Variants in UBE2J1 observed in about 807,000 individuals in gnomAD.
UBE2J1 encodes ubiquitin-conjugating enzyme E2 J1.
UBE2J1 carries 17 observed loss-of-function variants against 42.1 expected under a neutral mutation model. The ratio of observed to expected loss-of-function variants is 0.40; its 90% CI spans 0.28 to 0.61. The LOEUF is 0.61. UBE2J1 is among the 20% of genes least tolerant of loss of function. The pLI is 0.38. For synonymous variants in UBE2J1, 127 were observed against 137.2 expected (o/e 0.93, Z 0.52); for missense variants, 291 against 389.4 (o/e 0.75, Z 2.13).
rs923894681 is a variant in UBE2J1, at chr6:89,329,023, G to A, written c.*656C>T. On this transcript the variant is annotated 3_prime_UTR_variant, in exon 8 of 8. Coordinates refer to ENST00000435041, the MANE Select transcript of UBE2J1 (RefSeq NM_016021.3). Reference sequence around the variant, plus strand: ...TGTGATTATGGCAGCAGAGGGCAGGGGGTGGTGATAACAGCATATCAAAGT... The same window carrying A: ...TGTGATTATGGCAGCAGAGGGCAGGAGGTGGTGATAACAGCATATCAAAGT... The A allele has an allele frequency of 6.6e-6, 1 of 152,192 alleles. No homozygotes were observed. The highest frequency in any genetic ancestry group is 2.4e-5 in the African/African-American group (1 of 41,438). 9.4% of individuals were successfully genotyped at this position (152,192 alleles called of 1,614,324 possible). A position where few individuals can be genotyped will look rare whatever the true frequency, so the allele number is the denominator to read the frequency against.
At chr6:89,333,243 G>A (rs755886423) in intron 6 of UBE2J1, 38 bp from the exon 7 acceptor site, 1 of 1,568,972 alleles carries the variant, frequency 6.4e-7, no homozygotes. Context: ...TGTGACAACA[G>A]GAAACAACAG....
Position 89,340,009 on chromosome 6 carries a change from C to T in UBE2J1, c.238-1466G>A, listed in dbSNP as rs7773225. Among the ~76,000 whole-genome samples, 855 of 144,926 alleles carry T rather than the reference C, an allele frequency of 5.9e-3. 8 individuals are homozygous for T. Among genetic ancestry groups the T allele is most frequent in the African/African-American group, 0.019 (744 of 38,710 alleles). On this transcript the variant is annotated intron_variant, in intron 3 of 7. Coordinates refer to ENST00000435041, the MANE Select transcript of UBE2J1 (RefSeq NM_016021.3). ...CCAGCCTGGGTGACAGAGTGAGACC[C>T]TATCTCAAGTTAAAAAAAAAAAAAG...
chr6:89,344,295 T>C (rs1008857233), intron 1 of UBE2J1, among the ~76,000 whole-genome samples: 1 of 152,158 alleles, frequency 6.6e-6, no homozygotes, highest in East Asian at 1.9e-4. Context: ...CTCCAACTCT[T>C]GGGACTTTCC....
chr6:89,343,783 T>G, intron 1 of UBE2J1, 27 bp from the exon 2 acceptor site: 20 of 1,473,244 alleles, frequency 1.4e-5, no homozygotes, highest in Non-Finnish European at 1.9e-5. Flanking sequence ...AAAATAGAGA[T>G]ATTTAAAATA....
chr6:89,337,051 G>A (rs1440960253), intron 5 of UBE2J1, among the ~76,000 whole-genome samples: 1 of 152,016 alleles, frequency 6.6e-6, no homozygotes, highest in Non-Finnish European at 1.5e-5. Flanking sequence ...ATTTTACCCA[G>A]GCTGGTCTCG....
chr6:89,349,026 A>C (rs773007848), intron 1 of UBE2J1, among the ~76,000 whole-genome samples: 48 of 152,334 alleles, frequency 3.2e-4, no homozygotes, highest in Non-Finnish European at 6.6e-4. Flanking sequence ...ACTTGAGCTC[A>C]GGCGTTTGAG....
chr6:89,337,065 T>C (rs1768120875), intron 5 of UBE2J1, among the ~76,000 whole-genome samples: 1 of 152,064 alleles, frequency 6.6e-6, no homozygotes, highest in Admixed American at 6.6e-5. Context: ...GGTCTCGAAC[T>C]CCTGAACTCA....
At chr6:89,351,165 TC>T (rs372514106) in intron 1 of UBE2J1, among the ~76,000 whole-genome samples, 24 of 123,382 alleles carry the variant, frequency 1.9e-4, no homozygotes, top group African/African-American at 7.5e-4. Flanking sequence ...CACTGCAACC[TC>T]CTCCCCGGGT....
At chr6:89,330,105 T>C (rs921592633) in intron 7 of UBE2J1, 148 bp from the exon 8 acceptor site, 3 of 811,480 alleles carry the variant, frequency 3.7e-6, no homozygotes, top group Non-Finnish European at 5.7e-6. Flanking sequence ...AATACATCCC[T>C]TGAGGGGCAT....
intron 1 of UBE2J1, among the ~76,000 whole-genome samples, chr6:89,344,410 C>T (rs1768318324): frequency 6.6e-6 from 1 of 152,174 alleles, no homozygotes; most frequent in African/African-American, 2.4e-5. Flanking sequence ...TTCACTAAAA[C>T]CTCCAGTCCA....
Position 89,335,858 on chromosome 6 carries a change from A to G in UBE2J1, c.429-427T>C, listed in dbSNP as rs144719929. On this transcript the variant is annotated intron_variant, in intron 5 of 7. Coordinates refer to ENST00000435041, the MANE Select transcript of UBE2J1 (RefSeq NM_016021.3). Reference sequence around the variant, plus strand: ...CTAATTAAACATAGAATTTACAGATATTTCTAGGGAAAAAAAAACCCCTCA... The same window carrying G: ...CTAATTAAACATAGAATTTACAGATGTTTCTAGGGAAAAAAAAACCCCTCA... Among the ~76,000 whole-genome samples the G allele has an allele frequency of 8.8e-3, 1,322 of 150,832 alleles. 19 individuals carry two copies. Among genetic ancestry groups the G allele is most frequent in the African/African-American group, 0.03 (1,214 of 40,572 alleles).
At chr6:89,335,248 C>T in intron 6 of UBE2J1, 54 bp downstream of exon 6, 1 of 1,480,266 alleles carries the variant, frequency 6.8e-7, no homozygotes, top group Non-Finnish European at 9.1e-7. Context: ...ATGCAGAATC[C>T]AGCAGTAAAC....
intron 1 of UBE2J1, among the ~76,000 whole-genome samples, chr6:89,349,141 G>A (rs1768416948): frequency 6.6e-6 from 1 of 152,150 alleles, no homozygotes; most frequent in African/African-American, 2.4e-5. Context: ...GGAGGCAGAG[G>A]TGGAAGAATC....
At chr6:89,334,789 A>G (rs954234494) in intron 6 of UBE2J1, among the ~76,000 whole-genome samples, 3 of 152,208 alleles carry the variant, frequency 2.0e-5, no homozygotes, top group Non-Finnish European at 4.4e-5. Flanking sequence ...CTTGTTGCTT[A>G]TCTATATATT....
chr6:89,346,885 A>C (rs886129042), intron 1 of UBE2J1, among the ~76,000 whole-genome samples: 7 of 152,186 alleles, frequency 4.6e-5, no homozygotes, highest in African/African-American at 1.2e-4. Flanking sequence ...CCTGCTAAGC[A>C]ATAGTAATGA....
intron 3 of UBE2J1, among the ~76,000 whole-genome samples, chr6:89,341,764 T>C (rs1768250401): frequency 6.6e-6 from 1 of 151,498 alleles, no homozygotes; most frequent in Non-Finnish European, 1.5e-5. Context: ...GAAGAAAAGA[T>C]GTGTAAATTT....
At chr6:89,334,976 A>T (rs1178233397) in intron 6 of UBE2J1, among the ~76,000 whole-genome samples, 1 of 152,190 alleles carries the variant, frequency 6.6e-6, no homozygotes, top group Non-Finnish European at 1.5e-5. Context: ...ACTACTAATA[A>T]GCAACAGAGC....
chr6:89,330,018 T>C (rs1475483876), intron 7 of UBE2J1, 61 bp from the exon 8 acceptor site: 2 of 1,510,152 alleles, frequency 1.3e-6, no homozygotes, highest in Non-Finnish European at 1.8e-6. Context: ...ATACACTTGT[T>C]ATCTATTCAA....
rs1301024088 is a variant in UBE2J1 at position 89,328,330 on chromosome 6, TC to T, written c.*1348del. On this transcript the variant is annotated 3_prime_UTR_variant, in exon 8 of 8. Coordinates refer to ENST00000435041, the MANE Select transcript of UBE2J1 (RefSeq NM_016021.3). ...CCACATAAGGACTTTATGAATACCC[TC>T]CCCTATACTATTCAAGATATACATA... 1 of 152,174 alleles carries T rather than the reference TC, an allele frequency of 6.6e-6. No individual in the cohort carries two copies. Among genetic ancestry groups the T allele is most frequent in the Non-Finnish European group, 1.5e-5 (1 of 68,024 alleles). The allele number at this position is 152,174 out of a possible 1,614,324, so 9.4% of individuals were successfully genotyped here. A position where few individuals can be genotyped will look rare whatever the true frequency, so the allele number is the denominator to read the frequency against.
Sources: allele counts gnomAD v4.1 joint callset (sites outside exome capture counted in the v4.1 genomes callset), GRCh38; gene constraint gnomAD v4.1.1; transcripts MANE v1.5; gene names NCBI Gene and HGNC (gene_info 2026-07-23, HGNC 2026-07-21).